ERCC6L2: variants seen among roughly 807,000 people sequenced by gnomAD.
ERCC6L2 encodes the protein DNA excision repair protein ERCC-6-like 2.
In ERCC6L2, 77 loss-of-function variants were observed where a neutral mutation model predicts 132.0. That is an observed-to-expected ratio of 0.58 (90% CI 0.49 to 0.71). The LOEUF is 0.71. ERCC6L2 is among the 30% of genes least tolerant of loss of function. The pLI is 0.00. For synonymous variants in ERCC6L2, 583 were observed against 632.4 expected, an observed-to-expected ratio of 0.92 and a Z score of 1.17; for missense variants, 1,542 against 1,837.6, an observed-to-expected ratio of 0.84 and a Z score of 2.94.
rs866204984 is a variant in ERCC6L2, at chr9:96,014,329, A to G, written c.*1126A>G. 1.3e-5 allele frequency: 2 copies of G among 152,242 alleles called. No homozygotes were observed. The highest frequency in any genetic ancestry group is 2.9e-5 in the Non-Finnish European group (2 of 68,030). 9.4% of individuals were successfully genotyped at this position (152,242 alleles called of 1,614,324 possible). A position where few individuals can be genotyped will look rare whatever the true frequency, so the allele number is the denominator to read the frequency against. On this transcript the variant is annotated 3_prime_UTR_variant, in exon 19 of 19. Transcript: ENST00000653738. The stretch of plus-strand genomic sequence containing the variant: ...GCCTGAGCCGGGAACTGGCTGTGCT[A>G]AAGAGCACTGCTATCAAGTTGAGGA...
intron 17 of ERCC6L2, among the ~76,000 whole-genome samples, chr9:95,996,288 TGA>T (rs993435591): frequency 6.6e-6 from 1 of 152,232 alleles, no homozygotes; most frequent in Non-Finnish European, 1.5e-5. Context: ...CTGTGAAAGC[TGA>T]GAGAGGTGAG....
intron 14 of ERCC6L2, chr9:95,967,142 A>C (rs1277941303): frequency 6.6e-6 from 1 of 152,436 alleles, no homozygotes; most frequent in East Asian, 1.9e-4. Context: ...TTCTGTTCCC[A>C]ATAAAAATTC....
At chr9:95,929,147 A>G (rs942207318) in intron 11 of ERCC6L2, 1 of 220,762 alleles carries the variant, frequency 4.5e-6, no homozygotes, top group African/African-American at 2.3e-5. Context: ...TTTTGACCCA[A>G]GTCTCCTGGT....
intron 3 of ERCC6L2, chr9:95,906,511 A>C: frequency 2.6e-6 from 1 of 378,170 alleles, no homozygotes; most frequent in South Asian, 2.0e-5. Context: ...TATGGAAATG[A>C]ATATAGATAG....
At chr9:95,975,218 T>C (rs1414840726) in intron 16 of ERCC6L2, among the ~76,000 whole-genome samples, 1 of 152,152 alleles carries the variant, frequency 6.6e-6, no homozygotes, top group Non-Finnish European at 1.5e-5. Context: ...AACTACACAT[T>C]TCATGCTCCC....
At chr9:95,936,478 A>G (rs1389990470) in intron 11 of ERCC6L2, among the ~76,000 whole-genome samples, 1 of 152,160 alleles carries the variant, frequency 6.6e-6, no homozygotes, top group Non-Finnish European at 1.5e-5. Flanking sequence ...TGTGATCAAC[A>G]TGTGATGGTG....
intron 18 of ERCC6L2, among the ~76,000 whole-genome samples, chr9:96,007,385 T>C (rs1033561920): frequency 2.6e-5 from 4 of 152,226 alleles, no homozygotes; most frequent in Non-Finnish European, 4.4e-5. Context: ...GATATTGATG[T>C]TATCAAGAAT....
chr9:95,982,619 C>G (rs967581517), intron 17 of ERCC6L2, among the ~76,000 whole-genome samples: 7 of 151,948 alleles, frequency 4.6e-5, no homozygotes, highest in African/African-American at 1.7e-4. Flanking sequence ...TATCATTTTT[C>G]TTTTTGTAGC....
chr9:95,976,184 G>T (rs1156660311), intron 16 of ERCC6L2, among the ~76,000 whole-genome samples: 1 of 152,110 alleles, frequency 6.6e-6, no homozygotes, highest in African/African-American at 2.4e-5. Context: ...GTAGAGTGCT[G>T]CACTGTGGTG....
chr9:96,040,064 A>AG (rs1378780295), intron 20 of ERCC6L2, among the ~76,000 whole-genome samples: 98 of 151,348 alleles, frequency 6.5e-4, no homozygotes, highest in Admixed American at 6.3e-3. Context: ...ATTAAAAAAA[A>AG]AAAGACATGG....
chr9:96,023,741 T>C (rs1343455072), intron 19 of ERCC6L2, among the ~76,000 whole-genome samples: 1 of 152,152 alleles, frequency 6.6e-6, no homozygotes, highest in East Asian at 1.9e-4. Flanking sequence ...TTGCCTCACA[T>C]AGAGACTTAA....
chr9:95,991,977 A>C (rs1833317171), intron 17 of ERCC6L2, among the ~76,000 whole-genome samples: 1 of 152,212 alleles, frequency 6.6e-6, no homozygotes, highest in Non-Finnish European at 1.5e-5. Context: ...AAATCTGAAA[A>C]TATCTATTAA....
chr9:95,879,876 T>G (rs1827496224), intron 1 of ERCC6L2, among the ~76,000 whole-genome samples: 1 of 152,178 alleles, frequency 6.6e-6, no homozygotes, highest in African/African-American at 2.4e-5. Context: ...GAAAAATAAT[T>G]CCTAGTGTTC....
intron 9 of ERCC6L2, among the ~76,000 whole-genome samples, chr9:95,923,811 G>A (rs1270314315): frequency 6.6e-6 from 1 of 152,168 alleles, no homozygotes; most frequent in Non-Finnish European, 1.5e-5. Flanking sequence ...GGCAAGGTCT[G>A]TATGTCTAGA....
At chr9:95,903,064 A>G (rs544502932) in intron 3 of ERCC6L2, among the ~76,000 whole-genome samples, 1 of 152,206 alleles carries the variant, frequency 6.6e-6, no homozygotes, top group Non-Finnish European at 1.5e-5. Context: ...TTATAAATAC[A>G]TTCATTCATG....
intron 11 of ERCC6L2, among the ~76,000 whole-genome samples, chr9:95,931,106 AAGATCAGTCTTAACATCAAC>A (rs1830318915): frequency 6.6e-6 from 1 of 152,226 alleles, no homozygotes; most frequent in Non-Finnish European, 1.5e-5. Flanking sequence ...TGGTCAATGC[AAGATCAGTCTTAACATCAAC>A]CTCATATGAC....
chr9:95,901,297 A>G (rs1157898409), intron 3 of ERCC6L2, among the ~76,000 whole-genome samples: 2 of 151,834 alleles, frequency 1.3e-5, no homozygotes, highest in Admixed American at 6.6e-5. Flanking sequence ...AGTATTAAGG[A>G]CTTTTTTAAT....
Position 95,966,568 on chromosome 9 carries a change from C to T in ERCC6L2, c.1954C>T (p.His652Tyr), listed in dbSNP as rs764611661. Residue 652 changes from histidine (H) to tyrosine (Y), a missense_variant, in exon 14 of 19, where the codon CAC becomes TAC. Coordinates refer to ENST00000653738, the MANE Select transcript of ERCC6L2 (RefSeq NM_020207.7). ...TGTGTTTTTTCTGTTTTAGCAACTT[C>T]ACTGTGTGGTGGTTGGAAGTGAAAA... ...YLRQIYKQQLHCVVVGSENAK... is the reference protein window; with the variant it reads ...YLRQIYKQQLYCVVVGSENAK... 1 of 1,483,444 alleles carries T rather than the reference C, an allele frequency of 6.7e-7. No homozygotes were observed. Among genetic ancestry groups the T allele is most frequent in the Non-Finnish European group, 9.1e-7 (1 of 1,100,406 alleles). 91.9% of individuals were successfully genotyped at this position (1,483,444 alleles called of 1,614,324 possible).
intron 13 of ERCC6L2, among the ~76,000 whole-genome samples, chr9:95,961,604 A>T (rs1413664100): frequency 6.6e-6 from 1 of 152,190 alleles, no homozygotes; most frequent in Non-Finnish European, 1.5e-5. Flanking sequence ...ATATTTTTGT[A>T]TGAAACTTCT....
Sources: allele counts gnomAD v4.1 joint callset (sites outside exome capture counted in the v4.1 genomes callset), GRCh38; gene constraint gnomAD v4.1.1; transcripts MANE v1.5; gene names NCBI Gene and HGNC (gene_info 2026-07-23, HGNC 2026-07-21).